Variants in MAF observed in about 807,000 individuals in gnomAD.
The protein encoded by MAF is transcription factor Maf.
MAF carries 10 observed loss-of-function variants against 22.0 expected under a neutral mutation model. The ratio of observed to expected loss-of-function variants is 0.45; its 90% CI spans 0.28 to 0.77. The LOEUF is 0.77. Among genes scored for constraint, MAF ranks in the 30% least tolerant of loss-of-function variants. The pLI, the probability that MAF is intolerant of heterozygous loss-of-function variation, is 0.12. For missense variants in MAF, 544 were observed against 548.4 expected, an observed-to-expected ratio of 0.99 and a Z score of 0.08; for synonymous variants, 337 against 255.8, an observed-to-expected ratio of 1.32 and a Z score of -3.03.
chr16:79,368,354 A>G, the MAF span, among the ~76,000 whole-genome samples: 6 of 152,132 alleles, frequency 3.9e-5, no homozygotes, highest in South Asian at 2.1e-4. Flanking sequence ...GGTAGACATT[A>G]TCTAATTTTG....
chr16:79,469,721 T>G, the MAF span, among the ~76,000 whole-genome samples: 2 of 152,170 alleles, frequency 1.3e-5, no homozygotes, highest in East Asian at 3.9e-4. Context: ...CTCAGCCTCC[T>G]GAGTAGCTGG....
At chr16:79,327,409 T>C in the MAF span, among the ~76,000 whole-genome samples, 5 of 152,168 alleles carry the variant, frequency 3.3e-5, no homozygotes, top group African/African-American at 1.2e-4. Context: ...GATGTACCTA[T>C]TTTCTCATTG....
the MAF span, among the ~76,000 whole-genome samples, chr16:79,364,468 C>G: frequency 1.1e-4 from 16 of 152,236 alleles, no homozygotes; most frequent in East Asian, 2.5e-3. Flanking sequence ...TCCACTGGAA[C>G]CTGGACCACA....
the MAF span, among the ~76,000 whole-genome samples, chr16:79,331,741 G>A: frequency 1.5e-4 from 23 of 152,204 alleles, no homozygotes; most frequent in African/African-American, 5.5e-4. Context: ...TGTCTTCCCT[G>A]GCCTCCTTTC....
chr16:79,596,882 T>C, intron 1 of MAF: 1 of 1,050,804 alleles, frequency 9.5e-7, no homozygotes, highest in Non-Finnish European at 1.1e-6. Flanking sequence ...TAAACAGTTT[T>C]GCAATTTTTT....
At chr16:79,422,870 G>A in the MAF span, among the ~76,000 whole-genome samples, 2 of 152,132 alleles carry the variant, frequency 1.3e-5, no homozygotes, top group East Asian at 1.9e-4. Flanking sequence ...AAAGAGGTAA[G>A]GTCTCTGCTG....
the MAF span, among the ~76,000 whole-genome samples, chr16:79,481,137 G>T: frequency 1.3e-5 from 2 of 152,060 alleles, no homozygotes; most frequent in African/African-American, 4.8e-5. Context: ...CCCATGTGTT[G>T]CTTGGCCTCA....
chr16:79,209,108 G>A, the MAF span, among the ~76,000 whole-genome samples: 2 of 152,192 alleles, frequency 1.3e-5, no homozygotes, highest in African/African-American at 2.4e-5. Context: ...CAAGCCTAGT[G>A]GCAAAGGAAT....
the MAF span, among the ~76,000 whole-genome samples, chr16:79,479,201 A>G: frequency 0.38 from 57,350 of 151,908 alleles, 11,937 homozygotes; most frequent in Middle Eastern, 0.48. Flanking sequence ...CAGCATACCT[A>G]TATCATATCT....
At chr16:79,418,789 T>C in the MAF span, among the ~76,000 whole-genome samples, 1 of 152,196 alleles carries the variant, frequency 6.6e-6, no homozygotes, top group Non-Finnish European at 1.5e-5. Context: ...TTTTTCATTA[T>C]CTCATATCAG....
chr16:79,599,417 G>C lies in MAF; in HGVS notation c.486C>G (p.Ala162=), dbSNP rs1031757033. The change falls in exon 1 of 2, where the codon GCC becomes GCG. Residue 162 remains alanine, a synonymous_variant. Coordinates refer to ENST00000326043, the MANE Select transcript of MAF (RefSeq NM_005360.5). ...CCGCGGCGATCACGGCGGACACCACGGCGGCGGCGGGGCCCATCTCCTCGC... is the reference window on the plus strand; with the variant it reads ...CCGCGGCGATCACGGCGGACACCACCGCGGCGGCGGGGCCCATCTCCTCGC... The part of the protein sequence containing the change: ...GSGEEMGPAA[A]VVSAVIAAAA... 18 of 1,165,676 alleles carry C rather than the reference G, an allele frequency of 1.5e-5. No individual in the cohort carries two copies. Among genetic ancestry groups the C allele is most frequent in the East Asian group, 4.0e-5 (1 of 25,244 alleles). 72.2% of individuals were successfully genotyped at this position (1,165,676 alleles called of 1,614,324 possible). A position where few individuals can be genotyped will look rare whatever the true frequency, so the allele number is the denominator to read the frequency against.
At chr16:79,425,663 A>T in the MAF span, among the ~76,000 whole-genome samples, 1 of 145,476 alleles carries the variant, frequency 6.9e-6, no homozygotes, top group African/African-American at 2.5e-5. Flanking sequence ...ATCAATTTAG[A>T]TTTTTTTTTT....
At chr16:79,234,639 G>T in the MAF span, among the ~76,000 whole-genome samples, 1 of 152,092 alleles carries the variant, frequency 6.6e-6, no homozygotes, top group African/African-American at 2.4e-5. Context: ...GCCTGGAAAT[G>T]CAAACTGGCC....
chr16:79,205,618 C>G, the MAF span: 4 of 152,176 alleles, frequency 2.6e-5, no homozygotes, highest in Admixed American at 6.5e-5. Context: ...GAGTGCATTC[C>G]TCTTCTATAA....
the MAF span, among the ~76,000 whole-genome samples, chr16:79,475,064 G>A: frequency 6.6e-6 from 1 of 152,184 alleles, no homozygotes; most frequent in Non-Finnish European, 1.5e-5. Context: ...GCCTCACCAG[G>A]CATCCCGACC....
chr16:79,519,024 G>C, the MAF span, among the ~76,000 whole-genome samples: 1 of 152,194 alleles, frequency 6.6e-6, no homozygotes, highest in Non-Finnish European at 1.5e-5. Context: ...GAATGGAAGA[G>C]CCATGCATCT....
At chr16:79,364,437 G>A in the MAF span, among the ~76,000 whole-genome samples, 2 of 152,166 alleles carry the variant, frequency 1.3e-5, no homozygotes, top group South Asian at 2.1e-4. Context: ...CTCCAGCCAG[G>A]CTGGGTGGGT....
chr16:79,254,507 T>C, the MAF span, among the ~76,000 whole-genome samples: 3 of 152,214 alleles, frequency 2.0e-5, no homozygotes, highest in East Asian at 3.8e-4. Flanking sequence ...TTTTATTATA[T>C]CTTAAATTAC....
At chr16:79,213,252 A>ATGTCTTGAACT in the MAF span, among the ~76,000 whole-genome samples, 1 of 152,106 alleles carries the variant, frequency 6.6e-6, no homozygotes, top group Non-Finnish European at 1.5e-5. Flanking sequence ...AGGCCAGACA[A>ATGTCTTGAACT]TGTCTTGAAC....
Sources: allele counts gnomAD v4.1 joint callset (sites outside exome capture counted in the v4.1 genomes callset), GRCh38; gene constraint gnomAD v4.1.1; transcripts MANE v1.5; gene names NCBI Gene and HGNC (gene_info 2026-07-23, HGNC 2026-07-21).